The following ASRGL1 variants were observed in gnomAD, a reference collection of about 807,000 sequenced individuals.
ASRGL1 encodes the protein isoaspartyl peptidase/L-asparaginase.
In ASRGL1, 16 loss-of-function variants were observed where a neutral mutation model predicts 22.4. The observed-to-expected ratio is 0.71, with a 90% CI of 0.48 to 1.08. ASRGL1 has a LOEUF of 1.08. ASRGL1 is among the 50% of genes least tolerant of loss of function. The probability of loss-of-function intolerance (pLI) is 0.00; values close to 1 mark genes in which losing one functional copy is unlikely to be tolerated. For missense variants in ASRGL1, 412 were observed against 410.1 expected, an observed-to-expected ratio of 1.00 and a Z score of -0.04; for synonymous variants, 165 against 159.3, an observed-to-expected ratio of 1.04 and a Z score of -0.27.
At chr11:62,338,387 C>T (rs1047393171) in intron 2 of ASRGL1, 38 of 495,536 alleles carry the variant, frequency 7.7e-5, no homozygotes, top group African/African-American at 7.2e-4. Context: ...TGACCAATGG[C>T]CTCTGATACA....
chr11:62,379,170 A>G (rs1947004918), intron 4 of ASRGL1, among the ~76,000 whole-genome samples: 1 of 152,170 alleles, frequency 6.6e-6, no homozygotes, highest in Non-Finnish European at 1.5e-5. Flanking sequence ...AAACAATGTA[A>G]TAGTACTTTG....
intron 4 of ASRGL1, chr11:62,372,665 C>T: frequency 9.5e-7 from 1 of 1,057,728 alleles, no homozygotes; most frequent in Non-Finnish European, 1.5e-6. Context: ...GAGTCTTCTC[C>T]TGGGGCTTCA....
At chr11:62,395,438 C>A (rs1590768237), downstream of ASRGL1, among the ~76,000 whole-genome samples, 1 of 152,232 alleles carries the variant, frequency 6.6e-6, no homozygotes, top group South Asian at 2.1e-4. Context: ...CAGGACTCAG[C>A]CCCACTGCTG....
intron 4 of ASRGL1, among the ~76,000 whole-genome samples, chr11:62,362,713 A>G (rs1476877316): frequency 1.9e-5 from 1 of 53,436 alleles, no homozygotes; most frequent in East Asian, 7.7e-4. Flanking sequence ...TATAAAATAT[A>G]TTATATGTTA....
chr11:62,362,772 T>C (rs1349888338), intron 4 of ASRGL1, among the ~76,000 whole-genome samples: 1 of 107,118 alleles, frequency 9.3e-6, no homozygotes, highest in Non-Finnish European at 1.8e-5. Context: ...ATATATAAAT[T>C]TAAATTTTTT....
At chr11:62,341,928 T>G (rs192264967) in intron 2 of ASRGL1, among the ~76,000 whole-genome samples, 22 of 152,326 alleles carry the variant, frequency 1.4e-4, no homozygotes, top group African/African-American at 5.3e-4. Flanking sequence ...AAATGTTTGT[T>G]TTTTGGTGCT....
the ASRGL1 span, among the ~76,000 whole-genome samples, chr11:62,399,765 G>A: frequency 3.9e-5 from 6 of 152,176 alleles, no homozygotes; most frequent in East Asian, 1.9e-4. Flanking sequence ...AGAGCTACCT[G>A]TGAGGGCTAG....
At chr11:62,396,871 A>G (rs1318957806), downstream of ASRGL1, among the ~76,000 whole-genome samples, 1 of 152,088 alleles carries the variant, frequency 6.6e-6, no homozygotes, top group East Asian at 1.9e-4. Flanking sequence ...GATAAGTGTT[A>G]GAGTTCTTAT....
intron 2 of ASRGL1, among the ~76,000 whole-genome samples, chr11:62,353,317 A>G (rs183105552): frequency 4.2e-3 from 622 of 147,868 alleles, no homozygotes; most frequent in Non-Finnish European, 7.1e-3. Flanking sequence ...TAGTTATTTC[A>G]AGTTCATTGA....
In ASRGL1 at chr11:62,392,326, A is replaced by C; in HGVS notation, c.*42A>C. 1.2e-6 allele frequency: 2 copies of C among 1,602,936 alleles called. No homozygotes were observed. Among genetic ancestry groups the C allele is most frequent in the Non-Finnish European group, 1.7e-6 (2 of 1,171,494 alleles). On this transcript the variant is annotated 3_prime_UTR_variant, in exon 7 of 7. Transcript: ENST00000415229. The stretch of plus-strand genomic sequence containing the variant: ...ATTCCAGATGCTAGCTTAGAGGTCA[A>C]GTACAGTCTCCTCATGAGACATAGC...
the ASRGL1 span, among the ~76,000 whole-genome samples, chr11:62,400,788 G>A: frequency 6.6e-6 from 1 of 152,226 alleles, no homozygotes; most frequent in South Asian, 2.1e-4. Context: ...CCAGGCCCAG[G>A]GCTTCTTCCT....
chr11:62,392,470 G>A lies in ASRGL1; in HGVS notation c.*186G>A, dbSNP rs183048908. 1.9e-4 allele frequency: 132 copies of A among 678,118 alleles called. No homozygotes were observed. The highest frequency in any genetic ancestry group is 9.7e-4 in the East Asian group (35 of 36,188). The allele number at this position is 678,118 out of a possible 1,614,324, so 42.0% of individuals were successfully genotyped here. ...TTCTGAAGCGATGAGAGAAATGCCC[G>A]TATTAGGAGGATTACTTGAGCCCAG... On this transcript the variant is annotated 3_prime_UTR_variant, in exon 7 of 7. Coordinates refer to ENST00000415229, the MANE Select transcript of ASRGL1 (RefSeq NM_001083926.2).
intron 4 of ASRGL1, among the ~76,000 whole-genome samples, chr11:62,375,238 G>A (rs1327044420): frequency 6.6e-6 from 1 of 151,682 alleles, no homozygotes; most frequent in Non-Finnish European, 1.5e-5. Flanking sequence ...TGGGGGAAGG[G>A]TGCCGTGCAC....
At chr11:62,397,323 C>T (rs1009489449), downstream of ASRGL1, among the ~76,000 whole-genome samples, 14 of 151,702 alleles carry the variant, frequency 9.2e-5, no homozygotes, top group African/African-American at 2.7e-4. Flanking sequence ...CCACCGTGCC[C>T]GGCCAAGAAT....
At chr11:62,345,879 G>A (rs1438476082) in intron 2 of ASRGL1, among the ~76,000 whole-genome samples, 1 of 152,146 alleles carries the variant, frequency 6.6e-6, no homozygotes, top group Non-Finnish European at 1.5e-5. Flanking sequence ...CTGCTGATCT[G>A]ACAGGAGGCG....
At chr11:62,342,584 C>T (rs1399172268) in intron 2 of ASRGL1, among the ~76,000 whole-genome samples, 1 of 151,862 alleles carries the variant, frequency 6.6e-6, no homozygotes, top group Non-Finnish European at 1.5e-5. Flanking sequence ...TGGCAAAATG[C>T]TGTCTCTGCT....
At chr11:62,378,669 CTT>C (rs1405141661) in intron 4 of ASRGL1, among the ~76,000 whole-genome samples, 1 of 152,156 alleles carries the variant, frequency 6.6e-6, no homozygotes, top group African/African-American at 2.4e-5. Context: ...AGTCAGTTAA[CTT>C]ATGCCATCTG....
intron 4 of ASRGL1, among the ~76,000 whole-genome samples, chr11:62,367,348 AAG>A (rs201269114): frequency 0.024 from 3,640 of 149,996 alleles, 58 homozygotes; most frequent in Non-Finnish European, 0.035. Flanking sequence ...AAAAAAAAAA[AAG>A]AGAGAGATTT....
Position 62,338,009 on chromosome 11 carries a change from G to A in ASRGL1, c.32G>A (p.Gly11Glu). 1 of 1,605,536 alleles carries A rather than the reference G, an allele frequency of 6.2e-7. No homozygotes were observed. Among genetic ancestry groups the A allele is most frequent in the Non-Finnish European group, 8.5e-7 (1 of 1,176,498 alleles). Reference protein sequence around the residue: MNPIVVVHGGGAGPISKDRKE... With the variant: MNPIVVVHGGEAGPISKDRKE... ...CCCATCGTAGTGGTCCACGGCGGCG[G>A]AGCCGGTCCCATCTCCAAGGATCGG... The change falls in exon 2 of 7, where the codon GGA (glycine) becomes GAA (glutamate). Residue 11 changes from glycine (G) to glutamate (E), a missense_variant. By Grantham distance (98) the Gly-to-Glu change is moderately conservative. Transcript: ENST00000415229.
Sources: gnomAD v4.1 joint callset for allele counts (sites outside exome capture counted in the v4.1 genomes callset) on GRCh38, gnomAD v4.1.1 for gene constraint, MANE v1.5 for transcripts, NCBI Gene and HGNC (gene_info 2026-07-23, HGNC 2026-07-21) for gene names.